The following MEI4 variants were observed in gnomAD, a reference collection of about 807,000 sequenced individuals.
MEI4 encodes meiosis-specific protein MEI4.
In MEI4, 27 loss-of-function variants were observed where a neutral mutation model predicts 31.4. The observed-to-expected ratio is 0.86, with a 90% confidence interval of 0.63 to 1.19. The LOEUF is 1.19. Ranked by LOEUF, MEI4 falls within the 50% of genes most tolerant of loss-of-function variation. The pLI, the probability that MEI4 is intolerant of heterozygous loss-of-function variation, is 0.00. For synonymous variants in MEI4, 122 were observed against 145.4 expected, an observed-to-expected ratio of 0.84 and a Z score of 1.16; for missense variants, 329 against 398.9, an observed-to-expected ratio of 0.82 and a Z score of 1.49.
At chr6:77,758,001 C>T (rs1433778805) in intron 2 of MEI4, among the ~76,000 whole-genome samples, 1 of 151,814 alleles carries the variant, frequency 6.6e-6, no homozygotes, top group Non-Finnish European at 1.5e-5. Context: ...ACTAAAAATA[C>T]AAAAATTAGC....
At chr6:77,744,327 AGCCT>A in intron 2 of MEI4, among the ~76,000 whole-genome samples, 2 of 152,222 alleles carry the variant, frequency 1.3e-5, no homozygotes, top group South Asian at 4.1e-4. Context: ...AGAATGCAGA[AGCCT>A]CAGGAGCCGA....
chr6:77,905,586 T>A (rs1766277719), intron 4 of MEI4, among the ~76,000 whole-genome samples: 1 of 142,224 alleles, frequency 7.0e-6, no homozygotes, highest in East Asian at 2.2e-4. Flanking sequence ...AACCTCCGCC[T>A]CCCAGGTTCA....
chr6:77,732,967 G>T (rs943524040), intron 2 of MEI4, among the ~76,000 whole-genome samples: 12 of 151,128 alleles, frequency 7.9e-5, no homozygotes, highest in African/African-American at 2.7e-4. Flanking sequence ...TTGCATCCCA[G>T]GGATGAAGCC....
intron 4 of MEI4, among the ~76,000 whole-genome samples, chr6:77,880,407 A>G (rs1399133245): frequency 1.3e-5 from 2 of 151,710 alleles, no homozygotes; most frequent in Non-Finnish European, 1.5e-5. Flanking sequence ...ATTTTTTTGT[A>G]TTTTTAGTAG....
chr6:77,851,353 C>T (rs1770615563), intron 4 of MEI4, among the ~76,000 whole-genome samples: 1 of 152,048 alleles, frequency 6.6e-6, no homozygotes, highest in Non-Finnish European at 1.5e-5. Context: ...TATTGCAGCA[C>T]TATTCACAAT....
At chr6:77,736,400 G>T (rs143155966) in intron 2 of MEI4, among the ~76,000 whole-genome samples, 147 of 152,036 alleles carry the variant, frequency 9.7e-4, no homozygotes, top group Non-Finnish European at 1.8e-3. Context: ...CGATTTTCCA[G>T]GTGCCATCTG....
intron 3 of MEI4, among the ~76,000 whole-genome samples, chr6:77,826,705 G>T (rs565318584): frequency 1.8e-4 from 27 of 152,206 alleles, no homozygotes; most frequent in African/African-American, 6.5e-4. Context: ...ACAAACTTCT[G>T]CAGAATCCAG....
rs147533478 is a variant in MEI4 at position 77,665,638 on chromosome 6, C to G, written c.-15+12546C>G. 1.2e-3 allele frequency among the ~76,000 whole-genome samples: 190 copies of G among 152,256 alleles called. 1 individual carries two copies. The highest frequency in any genetic ancestry group is 3.9e-3 in the African/African-American group (163 of 41,552). On this transcript the variant is annotated intron_variant, in intron 1 of 4. Transcript: ENST00000684080. ...AAACGTGGGTGAATAATCAGGTGTCCCTGCAATGATTAAACACCAAGGGAA... is the reference window on the plus strand; with the variant it reads ...AAACGTGGGTGAATAATCAGGTGTCGCTGCAATGATTAAACACCAAGGGAA...
chr6:77,799,425 T>G (rs950075589), intron 3 of MEI4, among the ~76,000 whole-genome samples: 29 of 152,280 alleles, frequency 1.9e-4, no homozygotes, highest in African/African-American at 6.5e-4. Context: ...TGTGAAAATT[T>G]TCTCCCATTT....
intron 1 of MEI4, among the ~76,000 whole-genome samples, chr6:77,657,744 C>A (rs962513785): frequency 6.6e-6 from 1 of 152,158 alleles, no homozygotes; most frequent in African/African-American, 2.4e-5. Flanking sequence ...ATTCTTTAGT[C>A]AAGGAGCTCA....
chr6:77,685,923 A>G (rs144732007), intron 1 of MEI4, among the ~76,000 whole-genome samples: 1 of 152,170 alleles, frequency 6.6e-6, no homozygotes, highest in South Asian at 2.1e-4. Context: ...TCATGTTGGA[A>G]TGTGATCTTC....
intron 2 of MEI4, among the ~76,000 whole-genome samples, chr6:77,744,793 G>T (rs1033692286): frequency 6.6e-6 from 1 of 152,208 alleles, no homozygotes; most frequent in Non-Finnish European, 1.5e-5. Flanking sequence ...CTAGAAGCCA[G>T]AAGAGAGTGG....
At chr6:77,699,291 G>A (rs1231311885) in intron 2 of MEI4, among the ~76,000 whole-genome samples, 6 of 145,754 alleles carry the variant, frequency 4.1e-5, no homozygotes, top group East Asian at 2.2e-4. Flanking sequence ...CCGGGTTCAC[G>A]CCATTCTCCT....
intron 2 of MEI4, among the ~76,000 whole-genome samples, chr6:77,757,943 G>T (rs957746118): frequency 6.6e-6 from 1 of 152,016 alleles, no homozygotes; most frequent in Non-Finnish European, 1.5e-5. Flanking sequence ...GGATCACAGG[G>T]TCAAGAGATC....
chr6:77,671,500 G>GA lies in MEI4; in HGVS notation c.-15+18416dup, dbSNP rs201236485. Among the ~76,000 whole-genome samples, 223 of 151,762 alleles carry GA rather than the reference G, an allele frequency of 1.5e-3. 2 individuals carry two copies. Among genetic ancestry groups the GA allele is most frequent in the African/African-American group, 5.0e-3 (207 of 41,422 alleles). ...TTATAAAATTCTAAAATGTTAAAAT[G>GA]AAAAAAAACCGAAGTTTATTACTGG... On this transcript the variant is annotated intron_variant, in intron 1 of 4. Transcript: ENST00000684080.
intron 4 of MEI4, among the ~76,000 whole-genome samples, chr6:77,881,420 T>C (rs1159113288): frequency 6.6e-6 from 1 of 152,210 alleles, no homozygotes; most frequent in Non-Finnish European, 1.5e-5. Context: ...ATTATACAGA[T>C]GTATCGCAAA....
At chr6:77,759,398 G>T (rs1416345960) in intron 2 of MEI4, among the ~76,000 whole-genome samples, 1 of 152,074 alleles carries the variant, frequency 6.6e-6, no homozygotes, top group Non-Finnish European at 1.5e-5. Context: ...CTCCTAAAAT[G>T]CATTTTCAGT....
At chr6:77,921,208 G>A (rs893834618) in intron 4 of MEI4, among the ~76,000 whole-genome samples, 5 of 151,862 alleles carry the variant, frequency 3.3e-5, no homozygotes, top group African/African-American at 1.2e-4. Context: ...ATAACTTTCT[G>A]CAGCTTCTAT....
At chr6:77,789,885 C>T (rs1030785802) in intron 3 of MEI4, among the ~76,000 whole-genome samples, 10 of 152,172 alleles carry the variant, frequency 6.6e-5, no homozygotes, top group African/African-American at 1.9e-4. Context: ...TACCATTTGA[C>T]CCAGCCATCC....
Sources: gnomAD v4.1 joint callset for allele counts (sites outside exome capture counted in the v4.1 genomes callset) on GRCh38, gnomAD v4.1.1 for gene constraint, MANE v1.5 for transcripts, NCBI Gene and HGNC (gene_info 2026-07-23, HGNC 2026-07-21) for gene names.